Variants in DENND1B observed in about 807,000 individuals in gnomAD.
DENND1B encodes the protein DENN domain containing 1B, also known as DENN domain-containing protein 1B.
In DENND1B, 59 loss-of-function variants were observed where a neutral mutation model predicts 90.1. The observed-to-expected ratio is 0.65, with a 90% CI of 0.53 to 0.81. DENND1B has a LOEUF of 0.81. Among genes scored for constraint, DENND1B ranks in the 40% least tolerant of loss-of-function variants. The pLI is 0.00. For synonymous variants in DENND1B, 337 were observed against 324.6 expected (o/e 1.04, Z -0.41); for missense variants, 862 against 912.6 (o/e 0.94, Z 0.71).
In DENND1B at chr1:197,672,061, C is replaced by A; in HGVS notation, c.272G>T (p.Gly91Val). 1.2e-6 allele frequency: 2 copies of A among 1,611,970 alleles called. No homozygotes were observed. Among genetic ancestry groups the A allele is most frequent in the Non-Finnish European group, 1.7e-6 (2 of 1,178,906 alleles). Residue 91 changes from glycine to valine, a missense_variant, in exon 5 of 23, where the codon GGC becomes GTC. Transcript: ENST00000620048. ...CCTAAGGATGCATAAACAAATTGTG[C>A]CTCCTGACGTCAGTCTGCAGAATCC... ...RFGFCRLTSG[G>V]TICLCILSYL...
intron 3 of DENND1B, among the ~76,000 whole-genome samples, chr1:197,696,394 C>A (rs1658436544): frequency 6.6e-6 from 1 of 151,292 alleles, no homozygotes; most frequent in Non-Finnish European, 1.5e-5. Flanking sequence ...TTTCTTAATG[C>A]ATTTTCATTA....
chr1:197,587,998 G>A (rs922657491), intron 14 of DENND1B, among the ~76,000 whole-genome samples: 1 of 152,018 alleles, frequency 6.6e-6, no homozygotes, highest in Non-Finnish European at 1.5e-5. Flanking sequence ...GACAGGAGGT[G>A]GAGCTCAAGC....
chr1:197,537,227 C>CTT (rs1669978966), intron 20 of DENND1B, among the ~76,000 whole-genome samples: 1 of 152,088 alleles, frequency 6.6e-6, no homozygotes. Context: ...CAATTCTAAA[C>CTT]ATGTATGTTT....
intron 14 of DENND1B, among the ~76,000 whole-genome samples, chr1:197,588,640 G>A (rs1311171583): frequency 6.6e-6 from 1 of 152,062 alleles, no homozygotes; most frequent in Non-Finnish European, 1.5e-5. Context: ...TAAAATATCT[G>A]AAAGACTCTG....
At chr1:197,678,106 C>T (rs1223468190) in intron 3 of DENND1B, among the ~76,000 whole-genome samples, 2 of 152,122 alleles carry the variant, frequency 1.3e-5, no homozygotes, top group Non-Finnish European at 2.9e-5. Flanking sequence ...TAATCCCTGG[C>T]AAGGGAAATG....
chr1:197,629,031 G>T (rs1254681558), intron 10 of DENND1B, among the ~76,000 whole-genome samples: 2 of 152,062 alleles, frequency 1.3e-5, no homozygotes, highest in African/African-American at 2.4e-5. Context: ...GAAACAACAG[G>T]TGCTGGAGAG....
chr1:197,651,965 G>A (rs1207950545), intron 7 of DENND1B, among the ~76,000 whole-genome samples: 2 of 151,832 alleles, frequency 1.3e-5, no homozygotes, highest in Non-Finnish European at 2.9e-5. Flanking sequence ...CCAAATCAAT[G>A]TTTCTTAAAA....
At chr1:197,633,585 A>G (rs1015437946) in intron 10 of DENND1B, among the ~76,000 whole-genome samples, 1 of 152,118 alleles carries the variant, frequency 6.6e-6, no homozygotes, top group African/African-American at 2.4e-5. Flanking sequence ...CCCATTTCCT[A>G]TAGCACAGGT....
chr1:197,607,178 T>TA lies in DENND1B; in HGVS notation c.820-5dup, dbSNP rs1553303066. 1 of 1,404,018 alleles carries TA rather than the reference T, an allele frequency of 7.1e-7. No homozygotes were observed. Among genetic ancestry groups the TA allele is most frequent in the Admixed American group, 2.4e-5 (1 of 41,328 alleles). The allele number at this position is 1,404,018 out of a possible 1,614,324, so 87.0% of individuals were successfully genotyped here. On this transcript the variant is annotated splice_region_variant and splice_polypyrimidine_tract_variant and intron_variant, in intron 12 of 22. Coordinates refer to ENST00000620048, the MANE Select transcript of DENND1B (RefSeq NM_001195215.2). The stretch of plus-strand genomic sequence containing the variant: ...CCAATGATTTGTTTTTCACTCTCTA[T>TA]AAAAAAAACACAATTATGAATACAA...
intron 3 of DENND1B, among the ~76,000 whole-genome samples, chr1:197,713,803 AT>A (rs1660246363): frequency 3.3e-5 from 2 of 60,598 alleles, no homozygotes; most frequent in South Asian, 8.0e-4. Context: ...TTATTATATT[AT>A]AATATATTAT....
At chr1:197,644,393 T>C (rs1403975991) in intron 9 of DENND1B, among the ~76,000 whole-genome samples, 1 of 152,200 alleles carries the variant, frequency 6.6e-6, no homozygotes, top group African/African-American at 2.4e-5. Flanking sequence ...AGTAATCATC[T>C]TTTTTAAAAT....
intron 18 of DENND1B, among the ~76,000 whole-genome samples, chr1:197,542,555 T>C (rs1670413178): frequency 6.6e-6 from 1 of 152,192 alleles, no homozygotes; most frequent in Non-Finnish European, 1.5e-5. Flanking sequence ...AAATAATTTA[T>C]TGAATAAATG....
chr1:197,581,094 C>T (rs928281143), intron 15 of DENND1B, among the ~76,000 whole-genome samples: 1 of 152,152 alleles, frequency 6.6e-6, no homozygotes, highest in African/African-American at 2.4e-5. Context: ...AAGTCATAGT[C>T]ATAAATCTTT....
chr1:197,777,487 T>A (rs1657327421), upstream of DENND1B, among the ~76,000 whole-genome samples: 1 of 152,186 alleles, frequency 6.6e-6, no homozygotes, highest in Admixed American at 6.5e-5. Context: ...TAGGTGTACA[T>A]GATCTACATG....
At chr1:197,651,124 T>C (rs1653115820) in intron 7 of DENND1B, among the ~76,000 whole-genome samples, 1 of 152,114 alleles carries the variant, frequency 6.6e-6, no homozygotes, top group Non-Finnish European at 1.5e-5. Flanking sequence ...GACTTATATA[T>C]ACTTTGAGTT....
At chr1:197,700,815 C>A (rs550945686) in intron 3 of DENND1B, among the ~76,000 whole-genome samples, 2 of 152,264 alleles carry the variant, frequency 1.3e-5, no homozygotes, top group South Asian at 4.1e-4. Context: ...GACATTTATG[C>A]AGCCAACAAA....
At chr1:197,554,713 A>G (rs897926423) in intron 15 of DENND1B, among the ~76,000 whole-genome samples, 1 of 151,322 alleles carries the variant, frequency 6.6e-6, no homozygotes, top group South Asian at 2.1e-4. Flanking sequence ...GTGGTGGCGC[A>G]CACCTGTAGT....
intron 1 of DENND1B, 42 bp downstream of exon 1, chr1:197,775,097 G>A (rs1340871618): frequency 1.6e-6 from 2 of 1,226,250 alleles, no homozygotes; most frequent in Non-Finnish European, 2.1e-6. Flanking sequence ...AGGGGCCGCC[G>A]AGGGACGCCC....
intron 2 of DENND1B, among the ~76,000 whole-genome samples, chr1:197,771,070 C>T (rs1656534618): frequency 6.6e-6 from 1 of 151,464 alleles, no homozygotes; most frequent in Non-Finnish European, 1.5e-5. Context: ...GGCCACCATG[C>T]CTGCATAATT....
Sources: allele counts gnomAD v4.1 joint callset (sites outside exome capture counted in the v4.1 genomes callset), GRCh38; gene constraint gnomAD v4.1.1; transcripts MANE v1.5; gene names NCBI Gene and HGNC (gene_info 2026-07-23, HGNC 2026-07-21).